Variants in DLGAP2 observed in about 807,000 individuals in gnomAD.
The protein encoded by DLGAP2 is DLG associated protein 2, also known as disks large-associated protein 2.
In DLGAP2, 26 loss-of-function variants were observed where a neutral mutation model predicts 100.3. The observed-to-expected ratio is 0.26, with a 90% CI of 0.19 to 0.36. The LOEUF (loss-of-function observed/expected upper bound fraction) is 0.36. DLGAP2 is among the 10% of genes least tolerant of loss of function. The pLI is 1.00. For synonymous variants in DLGAP2, 886 were observed against 630.1 expected (o/e 1.41, Z -6.08); for missense variants, 1,858 against 1,453.2 (o/e 1.28, Z -4.53).
At chr8:1,100,292 G>A (rs1195249096) in intron 2 of DLGAP2, among the ~76,000 whole-genome samples, 2 of 151,866 alleles carry the variant, frequency 1.3e-5, no homozygotes, top group African/African-American at 4.8e-5. Context: ...TGTCCACAGT[G>A]TACAGCGTGT....
At chr8:1,594,717 C>G (rs2130683708) in intron 6 of DLGAP2, among the ~76,000 whole-genome samples, 1 of 152,234 alleles carries the variant, frequency 6.6e-6, no homozygotes, top group Non-Finnish European at 1.5e-5. Context: ...AGCCACCGCG[C>G]CCGGCCAGGT....
In DLGAP2 at chr8:1,085,146, C is replaced by T. The variant is rs114527717; in HGVS notation, c.74-173705C>T. The stretch of plus-strand genomic sequence containing the variant: ...GAGCTTTCCTACATGTGCCTGTTGG[C>T]CATTCAAGTGCCTTCTTTTGAGAAA... On this transcript the variant is annotated intron_variant, in intron 2 of 14. Transcript: ENST00000637795. Among the ~76,000 whole-genome samples the T allele has an allele frequency of 9.6e-3, 1,460 of 152,300 alleles. 22 individuals carry two copies. The highest frequency in any genetic ancestry group is 0.033 in the African/African-American group (1,366 of 41,550).
At chr8:889,574 C>T (rs994626671) in intron 1 of DLGAP2, among the ~76,000 whole-genome samples, 16 of 152,198 alleles carry the variant, frequency 1.1e-4, no homozygotes, top group Non-Finnish European at 2.4e-4. Flanking sequence ...TGGACACAGA[C>T]GGCCACAGGG....
At chr8:1,433,025 G>A (rs1441937310) in intron 3 of DLGAP2, among the ~76,000 whole-genome samples, 2 of 152,190 alleles carry the variant, frequency 1.3e-5, no homozygotes, top group Non-Finnish European at 2.9e-5. Flanking sequence ...CCCACAGTCT[G>A]CTCTCCTCAT....
At chr8:1,545,873 C>CAGAA (rs1563212372) in intron 4 of DLGAP2, among the ~76,000 whole-genome samples, 1 of 152,058 alleles carries the variant, frequency 6.6e-6, no homozygotes, top group African/African-American at 2.4e-5. Flanking sequence ...AAACATTAGG[C>CAGAA]AGAAGTAGGA....
intron 2 of DLGAP2, among the ~76,000 whole-genome samples, chr8:1,194,624 C>T (rs556389985): frequency 1.8e-4 from 28 of 152,236 alleles, no homozygotes; most frequent in Middle Eastern, 3.4e-3. Flanking sequence ...TTCTGGAAGC[C>T]GAGTCCTTGC....
At chr8:1,282,299 C>T (rs1182383370) in intron 3 of DLGAP2, among the ~76,000 whole-genome samples, 15 of 145,098 alleles carry the variant, frequency 1.0e-4, no homozygotes, top group Admixed American at 7.0e-4. Context: ...CTGAACCCAG[C>T]GCCCTGAACC....
chr8:1,423,592 G>C (rs1035670684), intron 3 of DLGAP2, among the ~76,000 whole-genome samples: 4 of 152,348 alleles, frequency 2.6e-5, no homozygotes, highest in Admixed American at 2.6e-4. Flanking sequence ...CCAGGATGAG[G>C]GAACACGATG....
chr8:745,985 C>T (rs1260830276), intron 1 of DLGAP2, among the ~76,000 whole-genome samples: 2 of 152,218 alleles, frequency 1.3e-5, no homozygotes, highest in Non-Finnish European at 2.9e-5. Flanking sequence ...CCCCTCACGG[C>T]CTGCTCAGGC....
chr8:1,459,684 CT>C (rs3052056), intron 3 of DLGAP2, among the ~76,000 whole-genome samples: 122 of 120,820 alleles, frequency 1.0e-3, no homozygotes, highest in African/African-American at 1.7e-3. Flanking sequence ...CTGTTGTTTT[CT>C]TTTTTTTTTT....
At chr8:1,038,918 C>T (rs1802212622) in intron 2 of DLGAP2, among the ~76,000 whole-genome samples, 1 of 152,154 alleles carries the variant, frequency 6.6e-6, no homozygotes, top group Admixed American at 6.5e-5. Flanking sequence ...TCGGGTAACC[C>T]ATCCATTTGA....
intron 1 of DLGAP2, among the ~76,000 whole-genome samples, chr8:887,443 A>G (rs978410979): frequency 6.6e-5 from 10 of 152,172 alleles, no homozygotes; most frequent in African/African-American, 2.2e-4. Flanking sequence ...TTTCCACACT[A>G]GTTGATGCAG....
At chr8:762,556 C>G (rs1314392418) in intron 1 of DLGAP2, among the ~76,000 whole-genome samples, 1 of 152,126 alleles carries the variant, frequency 6.6e-6, no homozygotes, top group African/African-American at 2.4e-5. Flanking sequence ...CCAGGGGTCA[C>G]CCCCTGCTTT....
In DLGAP2 at chr8:1,691,543, A is replaced by G. The variant is rs1272085772; in HGVS notation, c.2713A>G (p.Lys905Glu). The change falls in exon 13 of 15, where the codon AAA becomes GAA. Residue 905 changes from lysine (K) to glutamate (E), a missense_variant. Transcript: ENST00000637795. ...ENDLSEEILG[K>E]IRSAVGSAQL... Reference sequence around the variant, plus strand: ...GTTTTTGTTTTAAACAGTTCTCGGTAAAATCAGGAGTGCTGTTGGGAGTGC... The same window carrying G: ...GTTTTTGTTTTAAACAGTTCTCGGTGAAATCAGGAGTGCTGTTGGGAGTGC... The G allele has an allele frequency of 1.9e-6, 3 of 1,613,404 alleles. No homozygotes were observed. Among genetic ancestry groups the G allele is most frequent in the Non-Finnish European group, 2.5e-6 (3 of 1,179,772 alleles).
chr8:1,194,678 C>A (rs1429040800), intron 2 of DLGAP2, among the ~76,000 whole-genome samples: 1 of 152,206 alleles, frequency 6.6e-6, no homozygotes, highest in African/African-American at 2.4e-5. Context: ...ACTCACCTGA[C>A]CACAGGGTCG....
chr8:1,146,581 ACATGTGTGTGCACCTGCG>A (rs1343027594), intron 2 of DLGAP2, among the ~76,000 whole-genome samples: 6 of 151,740 alleles, frequency 4.0e-5, no homozygotes, highest in Non-Finnish European at 5.9e-5. Context: ...GTGTGTATGC[ACATGTGTGTGCACCTGCG>A]CATGTGTGTG....
intron 2 of DLGAP2, among the ~76,000 whole-genome samples, chr8:1,128,552 C>T (rs892136001): frequency 3.9e-5 from 6 of 152,222 alleles, no homozygotes; most frequent in African/African-American, 1.4e-4. Flanking sequence ...CAACAAGCTG[C>T]ACCACACAGC....
intron 3 of DLGAP2, among the ~76,000 whole-genome samples, chr8:1,434,864 C>T (rs541469887): frequency 6.6e-6 from 1 of 152,188 alleles, no homozygotes; most frequent in Admixed American, 6.5e-5. Flanking sequence ...CCTTCCTCCC[C>T]TCCCTCCTCC....
intron 2 of DLGAP2, among the ~76,000 whole-genome samples, chr8:1,110,595 C>T (rs563907874): frequency 6.6e-6 from 1 of 152,124 alleles, no homozygotes; most frequent in African/African-American, 2.4e-5. Context: ...TTCAGTGTGT[C>T]TGCATCTGGC....
Sources: gnomAD v4.1 joint callset for allele counts (sites outside exome capture counted in the v4.1 genomes callset) on GRCh38, gnomAD v4.1.1 for gene constraint, MANE v1.5 for transcripts, NCBI Gene and HGNC (gene_info 2026-07-23, HGNC 2026-07-21) for gene names.